Variants in GSE1 observed in about 807,000 individuals in gnomAD.
The protein encoded by GSE1 is genetic suppressor element 1.
GSE1 carries 32 observed loss-of-function variants against 112.6 expected under a neutral mutation model. That is an observed-to-expected ratio of 0.28 (90% CI 0.21 to 0.38). The LOEUF is 0.38. Ranked by LOEUF, GSE1 falls within the 10% of genes least tolerant of loss-of-function variation. GSE1 has a pLI of 1.00. For missense variants in GSE1, 2,348 were observed against 1,699.2 expected (o/e 1.38, Z -6.71); for synonymous variants, 1,115 against 735.6 (o/e 1.52, Z -8.35).
At chr16:85,246,880 C>G (rs4073555) in intron 1 of GSE1, among the ~76,000 whole-genome samples, 27,336 of 152,100 alleles carry the variant, frequency 0.18, 2,564 homozygotes, top group South Asian at 0.3. Context: ...TGGTTTGTCC[C>G]CCACACCATA....
intron 2 of GSE1, among the ~76,000 whole-genome samples, chr16:85,644,636 A>G (rs573074983): frequency 1.3e-5 from 2 of 152,272 alleles, no homozygotes; most frequent in East Asian, 1.9e-4. Flanking sequence ...CGGAGAGCCA[A>G]TGCGTGCGGG....
chr16:85,413,444 G>C (rs1421969706), intron 2 of GSE1, among the ~76,000 whole-genome samples: 2 of 151,952 alleles, frequency 1.3e-5, no homozygotes, highest in African/African-American at 4.8e-5. Flanking sequence ...TGCTCTCCCG[G>C]GTGACCGTGG....
intron 1 of GSE1, among the ~76,000 whole-genome samples, chr16:85,292,828 C>T (rs2045261905): frequency 6.6e-6 from 1 of 152,338 alleles, no homozygotes; most frequent in South Asian, 2.1e-4. Context: ...ACACCCGTCA[C>T]CTCTGTGTGG....
intron 1 of GSE1, among the ~76,000 whole-genome samples, chr16:85,601,791 C>G (rs753499266): frequency 2.0e-5 from 3 of 152,200 alleles, no homozygotes; most frequent in African/African-American, 7.2e-5. Context: ...GTCTTGACCC[C>G]GCGTCCCCAG....
Position 85,478,919 on chromosome 16 carries a change from CTTTCTT to C in GSE1, c.2464+121278_2464+121283del, listed in dbSNP as rs1567520835. 2.4e-4 allele frequency among the ~76,000 whole-genome samples: 11 copies of C among 45,512 alleles called. 1 individual carries two copies. The highest frequency in any genetic ancestry group is 1.3e-3 in the African/African-American group (10 of 7,682). 29.9% of individuals were successfully genotyped at this position (45,512 alleles called of 152,430 possible). On this transcript the variant is annotated intron_variant, in intron 2 of 2. Coordinates refer to the GSE1 transcript ENST00000637419. ...TCTTTCTTTCTTTCTTTCTTTCTTT[CTTTCTT>C]TCTCTTTCTTTCTTTCTTTCTTTTT... is the stretch of plus-strand genomic sequence containing the variant.
chr16:85,648,443 C>A (rs1007119410), intron 2 of GSE1, 109 bp from the exon 3 acceptor site: 8 of 622,064 alleles, frequency 1.3e-5, no homozygotes, highest in Admixed American at 1.1e-4. Context: ...ACCTGGAGGT[C>A]TGGGGCCTCA....
At chr16:85,505,908 G>A (rs543577949) in intron 2 of GSE1, among the ~76,000 whole-genome samples, 1 of 152,134 alleles carries the variant, frequency 6.6e-6, no homozygotes, top group Non-Finnish European at 1.5e-5. Flanking sequence ...AGGAGGTCAA[G>A]GCTGTAGTGA....
chr16:85,438,922 G>T (rs900765), intron 2 of GSE1, among the ~76,000 whole-genome samples: 14 of 151,992 alleles, frequency 9.2e-5, no homozygotes, highest in Non-Finnish European at 2.1e-4. Flanking sequence ...GGATCCCCCC[G>T]CGGCCTCCTG....
At chr16:85,220,807 A>C (rs546195160) in intron 1 of GSE1, among the ~76,000 whole-genome samples, 1 of 151,646 alleles carries the variant, frequency 6.6e-6, no homozygotes, top group Admixed American at 6.6e-5. Context: ...CTCTCTCAGT[A>C]TGTGTCTCTG....
intron 1 of GSE1, among the ~76,000 whole-genome samples, chr16:85,356,807 A>G (rs926441873): frequency 6.6e-6 from 1 of 152,056 alleles, no homozygotes; most frequent in Admixed American, 6.5e-5. Context: ...CCATTTTGTC[A>G]TGTTGTAATC....
rs142817342 is a variant in GSE1 at position 85,476,275 on chromosome 16, G to A, written c.2464+118632G>A. ...GCTTTTAAGAACACGATGGGCTCCC[G>A]GAGACCTGGGATGGCGCTCAGTGGA... On this transcript the variant is annotated intron_variant, in intron 2 of 2. Coordinates refer to the GSE1 transcript ENST00000637419. 3.8e-3 allele frequency among the ~76,000 whole-genome samples: 573 copies of A among 152,266 alleles called. 3 individuals are homozygous for A. Among genetic ancestry groups the A allele is most frequent in the African/African-American group, 0.013 (538 of 41,544 alleles).
rs1025616296 is a variant in GSE1, at chr16:85,348,955, C to T, written c.2284-8508C>T. 1.1e-3 allele frequency among the ~76,000 whole-genome samples: 162 copies of T among 152,222 alleles called. 1 individual carries two copies. Among genetic ancestry groups the T allele is most frequent in the Middle Eastern group, 3.4e-3 (1 of 294 alleles). ...CCTGCCCGAGACAGCCAACCCCCAC[C>T]GCCCTGCCGCTCCCCAACCCCAGCC... On this transcript the variant is annotated intron_variant, in intron 1 of 2. Coordinates refer to the GSE1 transcript ENST00000637419.
At chr16:85,668,528 T>A in intron 14 of GSE1, 104 bp downstream of exon 14, 1 of 759,422 alleles carries the variant, frequency 1.3e-6, no homozygotes, top group South Asian at 1.8e-5. Context: ...TGGGGACTGT[T>A]TCTCCGTCCT....
rs758657285 is a variant in GSE1, at chr16:85,613,374, G to T, written c.-18G>T. ...GCTCCAGCATGTATCAGCCGAGGTG[G>T]AGCTGCGGGGCCCTGGCATGAAAGG... On this transcript the variant is annotated 5_prime_UTR_variant, in exon 1 of 16. Transcript: ENST00000253458. 12 of 1,569,514 alleles carry T rather than the reference G, an allele frequency of 7.6e-6. No individual in the cohort carries two copies. Among genetic ancestry groups the T allele is most frequent in the Non-Finnish European group, 9.5e-6 (11 of 1,158,346 alleles).
chr16:85,227,304 G>T (rs1306507140), intron 1 of GSE1, among the ~76,000 whole-genome samples: 2 of 152,228 alleles, frequency 1.3e-5, no homozygotes, highest in African/African-American at 4.8e-5. Flanking sequence ...CAGTGGTTTA[G>T]TGAGCACCTG....
intron 1 of GSE1, among the ~76,000 whole-genome samples, chr16:85,626,451 G>A (rs2049075245): frequency 6.6e-6 from 1 of 151,804 alleles, no homozygotes; most frequent in Non-Finnish European, 1.5e-5. Context: ...ACCAGTCCCC[G>A]AGCTGGGGGA....
chr16:85,359,955 T>C (rs896395192), intron 2 of GSE1, among the ~76,000 whole-genome samples: 14 of 152,074 alleles, frequency 9.2e-5, no homozygotes, highest in African/African-American at 3.4e-4. Context: ...GATCACTTGA[T>C]TCCAGGAGGT....
chr16:85,238,575 T>C (rs1597873853), intron 1 of GSE1, among the ~76,000 whole-genome samples: 1 of 152,286 alleles, frequency 6.6e-6, no homozygotes, highest in East Asian at 1.9e-4. Context: ...CGCTCAGCTC[T>C]GCCCCCACTG....
chr16:85,235,291 C>T (rs149355409), intron 1 of GSE1, among the ~76,000 whole-genome samples: 1 of 151,806 alleles, frequency 6.6e-6, no homozygotes, highest in Non-Finnish European at 1.5e-5. Context: ...CTGGCCTCTT[C>T]CCCCACTGCT....
Sources: allele counts gnomAD v4.1 joint callset (sites outside exome capture counted in the v4.1 genomes callset), GRCh38; gene constraint gnomAD v4.1.1; transcripts MANE v1.5; gene names NCBI Gene and HGNC (gene_info 2026-07-23, HGNC 2026-07-21).